NEO1: variants seen among roughly 807,000 people sequenced by gnomAD.
NEO1 encodes neogenin.
A neutral mutation model predicts 159.7 loss-of-function variants in NEO1; 63 were observed. The ratio of observed to expected loss-of-function variants is 0.39; its 90% CI spans 0.32 to 0.49. NEO1 has a LOEUF of 0.49. NEO1 is among the 20% of genes least tolerant of loss of function. The pLI, the probability that NEO1 is intolerant of heterozygous loss-of-function variation, is 0.85. For synonymous variants in NEO1, 633 were observed against 662.0 expected, an observed-to-expected ratio of 0.96 and a Z score of 0.67; for missense variants, 1,615 against 1,831.0, an observed-to-expected ratio of 0.88 and a Z score of 2.15.
intron 1 of NEO1, among the ~76,000 whole-genome samples, chr15:73,063,030 C>T (rs1192876624): frequency 6.6e-6 from 1 of 152,106 alleles, no homozygotes; most frequent in Non-Finnish European, 1.5e-5. Context: ...AGGAAGCGTT[C>T]CTCTGTTTAC....
chr15:73,091,106 A>C (rs936706206), intron 1 of NEO1, among the ~76,000 whole-genome samples: 1 of 151,954 alleles, frequency 6.6e-6, no homozygotes, highest in Non-Finnish European at 1.5e-5. Flanking sequence ...TACTATTACT[A>C]CCTCCCTTTA....
rs150819712 is a variant in NEO1 at position 73,136,706 on chromosome 15, C to T, written c.1015+679C>T. On this transcript the variant is annotated intron_variant, in intron 5 of 28. Coordinates refer to ENST00000261908, the MANE Select transcript of NEO1 (RefSeq NM_002499.4). ...CCCCTTATAGGTTCTTTGATTCAGA[C>T]GTCAGAAAATAAAGATGGCATGACT... 2.4e-3 allele frequency among the ~76,000 whole-genome samples: 369 copies of T among 152,202 alleles called. 3 individuals carry two copies. The highest frequency in any genetic ancestry group is 7.6e-3 in the African/African-American group (315 of 41,508).
intron 5 of NEO1, among the ~76,000 whole-genome samples, chr15:73,145,104 T>A (rs1321700289): frequency 6.6e-6 from 1 of 152,162 alleles, no homozygotes; most frequent in Non-Finnish European, 1.5e-5. Flanking sequence ...TAAATGGTGC[T>A]TACAAATTAA....
At chr15:73,296,744 C>T (rs1030057195) in intron 26 of NEO1, among the ~76,000 whole-genome samples, 2 of 152,068 alleles carry the variant, frequency 1.3e-5, no homozygotes, top group East Asian at 1.9e-4. Flanking sequence ...ATCTGATAAC[C>T]GAGACAGCTA....
At chr15:73,223,387 TC>T (rs1333469516) in intron 7 of NEO1, among the ~76,000 whole-genome samples, 11 of 152,186 alleles carry the variant, frequency 7.2e-5, no homozygotes, top group African/African-American at 2.4e-4. Context: ...AGTATTGAAG[TC>T]CCCCACTATT....
intron 1 of NEO1, among the ~76,000 whole-genome samples, chr15:73,075,999 G>A (rs2068752247): frequency 1.3e-5 from 2 of 152,094 alleles, no homozygotes; most frequent in Non-Finnish European, 2.9e-5. Flanking sequence ...AAGTTCACCA[G>A]GTTTTGAATG....
At chr15:73,094,496 C>T (rs796080937) in intron 1 of NEO1, among the ~76,000 whole-genome samples, 38 of 152,254 alleles carry the variant, frequency 2.5e-4, no homozygotes, top group African/African-American at 8.7e-4. Context: ...CGTGTTTATA[C>T]CTTTTGGCTA....
Position 73,304,333 on chromosome 15 carries a change from T to C in NEO1, c.*1637T>C. On this transcript the variant is annotated 3_prime_UTR_variant, in exon 29 of 29. Coordinates refer to ENST00000261908, the MANE Select transcript of NEO1 (RefSeq NM_002499.4). ...CGACTGACGCTCAGGCATCTTCCCCTACTCCCCAACAGATCCCCAGAAGAC... is the reference window on the plus strand; with the variant it reads ...CGACTGACGCTCAGGCATCTTCCCCCACTCCCCAACAGATCCCCAGAAGAC... The C allele has an allele frequency of 6.6e-6, 1 of 152,510 alleles. No homozygotes were observed. Among genetic ancestry groups the C allele is most frequent in the Non-Finnish European group, 1.5e-5 (1 of 68,210 alleles). The allele number at this position is 152,510 out of a possible 1,614,324, so 9.4% of individuals were successfully genotyped here. A position where few individuals can be genotyped will look rare whatever the true frequency, so the allele number is the denominator to read the frequency against.
intron 22 of NEO1, 79 bp downstream of exon 22, chr15:73,278,278 A>G: frequency 7.7e-7 from 1 of 1,293,308 alleles, no homozygotes; most frequent in Non-Finnish European, 1.1e-6. Context: ...TGTCCTTTAT[A>G]GCTTGTGTGT....
chr15:73,262,386 T>C (rs890548154), intron 15 of NEO1, among the ~76,000 whole-genome samples: 1 of 152,086 alleles, frequency 6.6e-6, no homozygotes, highest in Admixed American at 6.5e-5. Context: ...GAGTCCAAAA[T>C]ATATAAAAAC....
chr15:73,096,013 A>C (rs1287360130), intron 1 of NEO1, among the ~76,000 whole-genome samples: 1 of 152,136 alleles, frequency 6.6e-6, no homozygotes, highest in Non-Finnish European at 1.5e-5. Context: ...AGAGTGCTAA[A>C]ATATTGATGC....
At chr15:73,211,381 C>T (rs1053912494) in intron 7 of NEO1, among the ~76,000 whole-genome samples, 2 of 152,118 alleles carry the variant, frequency 1.3e-5, no homozygotes, top group African/African-American at 4.8e-5. Context: ...GAGCAGACAG[C>T]CCAGCAGTCT....
chr15:73,279,351 G>GTTTTTTTTTTTTTTTTTTTTTT lies in NEO1; in HGVS notation c.3262+1167_3262+1168insTTTTTTTTTTTTTTTTTTTTTT, dbSNP rs869029902. 3.1e-4 allele frequency among the ~76,000 whole-genome samples: 37 copies of GTTTTTTTTTTTTTTTTTTTTTT among 119,340 alleles called. 5 individuals are homozygous for GTTTTTTTTTTTTTTTTTTTTTT. The highest frequency in any genetic ancestry group is 7.0e-4 in the East Asian group (3 of 4,314). 78.3% of individuals were successfully genotyped at this position (119,340 alleles called of 152,430 possible). On this transcript the variant is annotated intron_variant, in intron 22 of 28. Coordinates refer to ENST00000261908, the MANE Select transcript of NEO1 (RefSeq NM_002499.4). Reference sequence around the variant, plus strand: ...ATGTTTTTTTGTTGTTTTGGTTTTGGTTTTTTTTTTTTTTTGAGATGGAAT... The same window carrying GTTTTTTTTTTTTTTTTTTTTTT: ...ATGTTTTTTTGTTGTTTTGGTTTTGGTTTTTTTTTTTTTTTTTTTTTTTTTTTTTTTTTTTTTGAGATGGAAT...
intron 8 of NEO1, among the ~76,000 whole-genome samples, chr15:73,237,121 T>G (rs2039221739): frequency 6.8e-6 from 1 of 147,528 alleles, no homozygotes; most frequent in Non-Finnish European, 1.5e-5. Flanking sequence ...CACTATAGCC[T>G]TTTTTTCCAG....
intron 1 of NEO1, among the ~76,000 whole-genome samples, chr15:73,109,602 G>T (rs1184427310): frequency 2.6e-5 from 4 of 151,966 alleles, no homozygotes; most frequent in Non-Finnish European, 5.9e-5. Flanking sequence ...TGGGAAGGTA[G>T]TGGCTGTAAA....
At chr15:73,231,927 T>G (rs573743118) in intron 7 of NEO1, among the ~76,000 whole-genome samples, 5 of 152,328 alleles carry the variant, frequency 3.3e-5, no homozygotes, top group African/African-American at 1.2e-4. Context: ...AGGTAAACTC[T>G]CAGATCCTGC....
intron 21 of NEO1, among the ~76,000 whole-genome samples, chr15:73,277,765 C>A (rs184770497): frequency 6.6e-6 from 1 of 152,290 alleles, no homozygotes; most frequent in Admixed American, 6.5e-5. Flanking sequence ...CCTAATTAGT[C>A]CCCTTGGTTG....
intron 5 of NEO1, among the ~76,000 whole-genome samples, chr15:73,173,499 A>C (rs2035097466): frequency 6.6e-6 from 1 of 152,162 alleles, no homozygotes; most frequent in Non-Finnish European, 1.5e-5. Flanking sequence ...GATATATGTA[A>C]AGCTGGATAC....
intron 7 of NEO1, among the ~76,000 whole-genome samples, chr15:73,190,543 A>G (rs1353047061): frequency 1.3e-5 from 2 of 152,150 alleles, no homozygotes; most frequent in African/African-American, 4.8e-5. Context: ...TGAGGTTAGC[A>G]TTGAATAATA....
Sources: gnomAD v4.1 joint callset for allele counts (sites outside exome capture counted in the v4.1 genomes callset) on GRCh38, gnomAD v4.1.1 for gene constraint, MANE v1.5 for transcripts, NCBI Gene and HGNC (gene_info 2026-07-23, HGNC 2026-07-21) for gene names.